The following CNTN5 variants were observed in gnomAD, a reference collection of about 807,000 sequenced individuals.
The protein encoded by CNTN5 is contactin-5.
Under a neutral mutation model 129.1 loss-of-function variants are expected in CNTN5, and 77 were observed. That is an observed-to-expected ratio of 0.60 (90% CI 0.50 to 0.72). The LOEUF is 0.72. CNTN5 is among the 30% of genes least tolerant of loss of function. The pLI is 0.00. For missense variants in CNTN5, 1,478 were observed against 1,328.8 expected, an observed-to-expected ratio of 1.11 and a Z score of -1.75; for synonymous variants, 509 against 465.6, an observed-to-expected ratio of 1.09 and a Z score of -1.20.
chr11:99,614,957 G>A (rs1252242524), intron 3 of CNTN5, among the ~76,000 whole-genome samples: 1 of 151,344 alleles, frequency 6.6e-6, no homozygotes, highest in East Asian at 1.9e-4. Context: ...TTATGTGTGT[G>A]TGTGCATGTG....
At chr11:99,662,980 C>A (rs987688762) in intron 3 of CNTN5, among the ~76,000 whole-genome samples, 2 of 152,046 alleles carry the variant, frequency 1.3e-5, no homozygotes, top group Non-Finnish European at 2.9e-5. Flanking sequence ...GAACATTTAA[C>A]AAAATATTTT....
intron 1 of CNTN5, among the ~76,000 whole-genome samples, chr11:99,098,240 T>G (rs1866565935): frequency 6.6e-6 from 1 of 152,096 alleles, no homozygotes; most frequent in Non-Finnish European, 1.5e-5. Context: ...TGATGAATGT[T>G]TAGGTCTGTA....
intron 3 of CNTN5, among the ~76,000 whole-genome samples, chr11:99,727,111 C>A (rs1024397089): frequency 6.7e-6 from 1 of 149,226 alleles, no homozygotes; most frequent in African/African-American, 2.5e-5. Context: ...TCGAGACCAT[C>A]CTGGCTAACA....
In CNTN5 at chr11:99,157,060, T is replaced by C. The variant is rs191517571; in HGVS notation, c.-210+135790T>C. Among the ~76,000 whole-genome samples the C allele has an allele frequency of 2.6e-3, 397 of 152,100 alleles. 1 individual carries two copies. The highest frequency in any genetic ancestry group is 9.1e-3 in the African/African-American group (380 of 41,552). On this transcript the variant is annotated intron_variant, in intron 1 of 24. Transcript: ENST00000524871. ...CCTTGCATGCATGATTTTTTAAAGA[T>C]TGAATAATATTTATAAAGTGGTAAG... is the stretch of plus-strand genomic sequence containing the variant.
chr11:100,156,440 C>G (rs980781675), intron 13 of CNTN5, among the ~76,000 whole-genome samples: 14 of 152,106 alleles, frequency 9.2e-5, no homozygotes, highest in Admixed American at 9.2e-4. Context: ...CGACGTTCAT[C>G]AGGGATATCG....
chr11:99,442,230 C>T (rs1298268081), intron 2 of CNTN5, among the ~76,000 whole-genome samples: 5 of 151,956 alleles, frequency 3.3e-5, no homozygotes, highest in South Asian at 2.1e-4. Context: ...TGGAGTGCTG[C>T]GTGACCTTGG....
chr11:99,780,342 T>A (rs181652921), intron 3 of CNTN5, among the ~76,000 whole-genome samples: 10 of 152,244 alleles, frequency 6.6e-5, no homozygotes, highest in African/African-American at 2.4e-4. Context: ...AATACAAGAT[T>A]ATTACTACTT....
chr11:99,086,129 T>C (rs1310550193), intron 1 of CNTN5, among the ~76,000 whole-genome samples: 1 of 152,220 alleles, frequency 6.6e-6, no homozygotes, highest in Non-Finnish European at 1.5e-5. Context: ...TAATAATTTG[T>C]ATTCATTCAT....
chr11:100,088,262 A>C (rs1415859028), intron 13 of CNTN5, among the ~76,000 whole-genome samples: 1 of 151,950 alleles, frequency 6.6e-6, no homozygotes, highest in South Asian at 2.1e-4. Context: ...GGAAGTTTAC[A>C]GCACTAAATG....
intron 6 of CNTN5, among the ~76,000 whole-genome samples, chr11:99,889,872 C>T (rs932231851): frequency 1.3e-5 from 2 of 152,038 alleles, no homozygotes; most frequent in African/African-American, 4.8e-5. Flanking sequence ...TTCCAAAATA[C>T]TATTGAGGTG....
At chr11:99,960,855 A>G (rs765667608) in intron 8 of CNTN5, among the ~76,000 whole-genome samples, 6 of 152,202 alleles carry the variant, frequency 3.9e-5, no homozygotes, top group Non-Finnish European at 7.4e-5. Context: ...AAATAATGAA[A>G]ATCCCACAAA....
chr11:99,804,855 A>C (rs1946221910), intron 3 of CNTN5, among the ~76,000 whole-genome samples: 1 of 150,058 alleles, frequency 6.7e-6, no homozygotes, highest in Non-Finnish European at 1.5e-5. Context: ...AAATATATAC[A>C]CATATATATT....
At chr11:99,458,707 C>T (rs1397686997) in intron 2 of CNTN5, among the ~76,000 whole-genome samples, 2 of 151,922 alleles carry the variant, frequency 1.3e-5, no homozygotes, top group African/African-American at 2.4e-5. Context: ...ATAAGAAGAA[C>T]ATACTATGGA....
Position 99,536,854 on chromosome 11 carries a change from T to TAAA in CNTN5, c.-70-19279_-70-19277dup, listed in dbSNP as rs5793993. ...ATTTTAAATTTTCTAGTAGTCACAT[T>TAAA]AAAAAAAAAAAAAAGAAAAAGGAAA... is the stretch of plus-strand genomic sequence containing the variant. On this transcript the variant is annotated intron_variant, in intron 2 of 24. Coordinates refer to ENST00000524871, the MANE Select transcript of CNTN5 (RefSeq NM_014361.4). 1.6e-4 allele frequency among the ~76,000 whole-genome samples: 22 copies of TAAA among 140,466 alleles called. No individual in the cohort carries two copies. The South Asian group carries it at 3.6e-3, about 23-fold the overall frequency. 92.2% of individuals were successfully genotyped at this position (140,466 alleles called of 152,430 possible). A position where few individuals can be genotyped will look rare whatever the true frequency, so the allele number is the denominator to read the frequency against.
intron 17 of CNTN5, among the ~76,000 whole-genome samples, chr11:100,269,167 T>C (rs892762412): frequency 1.3e-5 from 2 of 152,194 alleles, no homozygotes; most frequent in Admixed American, 6.6e-5. Flanking sequence ...TTTCAAAGGA[T>C]GATCAACTGT....
Position 100,164,839 on chromosome 11 carries a change from A to G in CNTN5, c.1581-26287A>G, listed in dbSNP as rs138209296. On this transcript the variant is annotated intron_variant, in intron 13 of 24. Coordinates refer to ENST00000524871, the MANE Select transcript of CNTN5 (RefSeq NM_014361.4). ...AATATTTTAGTTACTTGCTTGCACA[A>G]GTTGCATAACTTTTCTTACTAATTT... Among the ~76,000 whole-genome samples, 867 of 151,984 alleles carry G rather than the reference A, an allele frequency of 5.7e-3. 10 individuals are homozygous for G. The highest frequency in any genetic ancestry group is 0.02 in the African/African-American group (811 of 41,544).
intron 1 of CNTN5, among the ~76,000 whole-genome samples, chr11:99,145,116 C>G (rs1466954424): frequency 6.6e-6 from 1 of 152,120 alleles, no homozygotes; most frequent in Admixed American, 6.5e-5. Context: ...TTCACCCAGG[C>G]TGGAGTGCAG....
chr11:99,276,729 T>C (rs1863453525), intron 1 of CNTN5, among the ~76,000 whole-genome samples: 1 of 151,504 alleles, frequency 6.6e-6, no homozygotes, highest in South Asian at 2.1e-4. Context: ...TATTTTTTTA[T>C]ACAAACTATA....
intron 4 of CNTN5, 90 bp downstream of exon 4, chr11:99,819,855 C>A (rs1030092960): frequency 3.5e-6 from 3 of 845,536 alleles, no homozygotes; most frequent in African/African-American, 3.4e-5. Flanking sequence ...AAGACTATTC[C>A]AGTAGGAGAG....
Sources: gnomAD v4.1 joint callset for allele counts (sites outside exome capture counted in the v4.1 genomes callset) on GRCh38, gnomAD v4.1.1 for gene constraint, MANE v1.5 for transcripts, NCBI Gene and HGNC (gene_info 2026-07-23, HGNC 2026-07-21) for gene names.